The following SHB variants were observed in gnomAD, a reference collection of about 807,000 sequenced individuals.
SHB encodes the protein SH2 domain containing adaptor protein B.
Under a neutral mutation model 52.3 loss-of-function variants are expected in SHB, and 20 were observed. The ratio of observed to expected loss-of-function variants is 0.38; its 90% CI spans 0.27 to 0.56. The LOEUF is 0.56. Among genes scored for constraint, SHB ranks in the 20% least tolerant of loss-of-function variants. SHB has a pLI of 0.71. For synonymous variants in SHB, 397 were observed against 316.5 expected (o/e 1.25, Z -2.70); for missense variants, 825 against 723.3 (o/e 1.14, Z -1.61).
chr9:37,953,672 C>A (rs1832593588), intron 4 of SHB, among the ~76,000 whole-genome samples: 1 of 152,146 alleles, frequency 6.6e-6, no homozygotes, highest in South Asian at 2.1e-4. Context: ...GTGCCTCGGT[C>A]TCCCCTCCTA....
intron 4 of SHB, among the ~76,000 whole-genome samples, chr9:37,952,003 G>A (rs1832572415): frequency 6.6e-6 from 1 of 152,212 alleles, no homozygotes; most frequent in African/African-American, 2.4e-5. Context: ...ACCTCGTGGG[G>A]TTGGCCAGTC....
chr9:37,956,256 G>T (rs962779317), intron 3 of SHB, among the ~76,000 whole-genome samples: 1 of 152,164 alleles, frequency 6.6e-6, no homozygotes, highest in African/African-American at 2.4e-5. Flanking sequence ...CCAATGGTGC[G>T]TGTGAGGGGC....
chr9:37,960,572 G>A (rs948000114), intron 3 of SHB, among the ~76,000 whole-genome samples: 1 of 152,208 alleles, frequency 6.6e-6, no homozygotes, highest in Non-Finnish European at 1.5e-5. Context: ...GGAAGAGAGA[G>A]GCTGGTCAAT....
intron 3 of SHB, among the ~76,000 whole-genome samples, chr9:37,967,335 C>T (rs1002664096): frequency 2.6e-5 from 4 of 152,108 alleles, no homozygotes; most frequent in African/African-American, 9.7e-5. Context: ...ATACCTGGGG[C>T]CTTACTTTCC....
At chr9:37,958,382 C>A (rs1048212748) in intron 3 of SHB, among the ~76,000 whole-genome samples, 2 of 152,170 alleles carry the variant, frequency 1.3e-5, no homozygotes, top group Non-Finnish European at 2.9e-5. Flanking sequence ...AGGCTGTTGA[C>A]CTAAGCGCTG....
intron 5 of SHB, among the ~76,000 whole-genome samples, chr9:37,921,811 G>A (rs1832183729): frequency 6.6e-6 from 1 of 152,230 alleles, no homozygotes; most frequent in South Asian, 2.1e-4. Flanking sequence ...CCACCACGCC[G>A]AAGAGACCAC....
intron 3 of SHB, among the ~76,000 whole-genome samples, chr9:37,956,822 CT>C (rs1832640977): frequency 6.6e-6 from 1 of 152,184 alleles, no homozygotes; most frequent in Non-Finnish European, 1.5e-5. Flanking sequence ...GTTTCCTTCT[CT>C]GAAAAACAGG....
chr9:37,966,626 T>G (rs569023469), intron 3 of SHB, among the ~76,000 whole-genome samples: 2 of 152,300 alleles, frequency 1.3e-5, no homozygotes, highest in South Asian at 4.1e-4. Flanking sequence ...AATTGTTAAT[T>G]TCCTCACAGG....
intron 2 of SHB, 111 bp from the exon 3 acceptor site, chr9:37,974,948 G>A (rs974304743): frequency 8.1e-6 from 7 of 866,186 alleles, no homozygotes; most frequent in Non-Finnish European, 1.1e-5. Context: ...AGGTGAGAAC[G>A]ACAGAGAGAC....
At chr9:37,975,504 G>A (rs1820643630) in intron 2 of SHB, among the ~76,000 whole-genome samples, 1 of 152,212 alleles carries the variant, frequency 6.6e-6, no homozygotes, top group South Asian at 2.1e-4. Context: ...ATCTTCTAGA[G>A]AAGATGCTAA....
intron 1 of SHB, among the ~76,000 whole-genome samples, chr9:38,018,925 G>T (rs1324728438): frequency 6.6e-6 from 1 of 152,340 alleles, no homozygotes; most frequent in East Asian, 1.9e-4. Flanking sequence ...CCAGATGTGA[G>T]ATTGGATTTC....
chr9:38,005,516 T>G (rs1410689322), intron 2 of SHB, among the ~76,000 whole-genome samples: 1 of 152,170 alleles, frequency 6.6e-6, no homozygotes, highest in African/African-American at 2.4e-5. Flanking sequence ...CTCCCTTGCA[T>G]CACCAGGCAG....
At chr9:38,045,920 A>G (rs769495759) in intron 1 of SHB, among the ~76,000 whole-genome samples, 27 of 152,100 alleles carry the variant, frequency 1.8e-4, no homozygotes, top group Non-Finnish European at 3.5e-4. Flanking sequence ...ACAAGTTAAC[A>G]TGGGTCATGA....
chr9:38,003,572 C>T (rs537638412), intron 2 of SHB, among the ~76,000 whole-genome samples: 10 of 152,290 alleles, frequency 6.6e-5, no homozygotes, highest in South Asian at 2.1e-4. Context: ...CCCCTGTGCT[C>T]GTTGCAGTGC....
At chr9:38,035,844 G>C (rs1420139855) in intron 1 of SHB, among the ~76,000 whole-genome samples, 2 of 152,064 alleles carry the variant, frequency 1.3e-5, no homozygotes, top group African/African-American at 2.4e-5. Flanking sequence ...GCCTAAGTTT[G>C]GCCCCCAGAA....
At chr9:37,938,991 C>T (rs184731283) in intron 5 of SHB, among the ~76,000 whole-genome samples, 4 of 152,326 alleles carry the variant, frequency 2.6e-5, no homozygotes, top group South Asian at 2.1e-4. Flanking sequence ...CCAGCTGCTC[C>T]GAAATCTGGA....
intron 4 of SHB, among the ~76,000 whole-genome samples, chr9:37,952,037 G>A (rs1218869342): frequency 6.6e-6 from 1 of 152,204 alleles, no homozygotes; most frequent in Non-Finnish European, 1.5e-5. Flanking sequence ...GGGGATTAGG[G>A]AGACTCAACT....
Position 38,058,226 on chromosome 9 carries a change from T to C in SHB, c.717+9703A>G, listed in dbSNP as rs537932206. On this transcript the variant is annotated intron_variant, in intron 1 of 5. Transcript: ENST00000377707. ...CATCTCCCATGAGGCCTCCTCTTCC[T>C]GACGGTTTTCCCCATTTCCTCCCAC... Among the ~76,000 whole-genome samples, 20 of 152,360 alleles carry C rather than the reference T, an allele frequency of 1.3e-4. No homozygotes were observed. The East Asian group carries it at 2.1e-3, about 16-fold the overall frequency.
In SHB at chr9:38,031,269, C is replaced by T. The variant is rs184752252; in HGVS notation, c.718-15138G>A. Among the ~76,000 whole-genome samples the T allele has an allele frequency of 4.3e-4, 65 of 152,072 alleles. 1 individual carries two copies. The East Asian group carries it at 0.011, about 27-fold the overall frequency. ...CCGGGAGGCAGAGGTTGCAGTGAGC[C>T]GAGATCTCGCCACTGCACTCTAGCC... On this transcript the variant is annotated intron_variant, in intron 1 of 5. Coordinates refer to ENST00000377707, the MANE Select transcript of SHB (RefSeq NM_003028.3).
Sources: allele counts gnomAD v4.1 joint callset (sites outside exome capture counted in the v4.1 genomes callset), GRCh38; gene constraint gnomAD v4.1.1; transcripts MANE v1.5; gene names NCBI Gene and HGNC (gene_info 2026-07-23, HGNC 2026-07-21).